The following MSRA variants were observed in gnomAD, a reference collection of about 807,000 sequenced individuals.
MSRA encodes methionine sulfoxide reductase A.
A neutral mutation model predicts 31.3 loss-of-function variants in MSRA; 54 were observed. The ratio of observed to expected loss-of-function variants is 1.73; its 90% CI spans 1.39 to 2.17. The LOEUF is 2.17. Ranked by LOEUF, MSRA falls within the 30% of genes most tolerant of loss-of-function variation. The probability of loss-of-function intolerance (pLI) is 0.00; values close to 1 mark genes in which losing one functional copy is unlikely to be tolerated. For synonymous variants in MSRA, 169 were observed against 116.5 expected, an observed-to-expected ratio of 1.45 and a Z score of -2.90; for missense variants, 507 against 300.9, an observed-to-expected ratio of 1.69 and a Z score of -5.07.
At chr8:10,354,369 A>T (rs192871417) in intron 5 of MSRA, among the ~76,000 whole-genome samples, 1 of 152,244 alleles carries the variant, frequency 6.6e-6, no homozygotes, top group South Asian at 2.1e-4. Context: ...ATGCGAGGAC[A>T]CAACAGCAAG....
At chr8:10,109,079 C>G (rs554183887) in intron 1 of MSRA, among the ~76,000 whole-genome samples, 7 of 152,178 alleles carry the variant, frequency 4.6e-5, no homozygotes, top group African/African-American at 1.7e-4. Flanking sequence ...CCAGCGCATT[C>G]CCTTTCTCAC....
chr8:10,348,274 C>T (rs1221673802), intron 5 of MSRA, among the ~76,000 whole-genome samples: 1 of 151,674 alleles, frequency 6.6e-6, no homozygotes, highest in East Asian at 1.9e-4. Flanking sequence ...AGGGCCTTCT[C>T]CGCGGAGATT....
intron 1 of MSRA, among the ~76,000 whole-genome samples, chr8:10,080,012 A>C (rs190712103): frequency 3.9e-5 from 6 of 152,180 alleles, no homozygotes; most frequent in Non-Finnish European, 8.8e-5. Flanking sequence ...CTTCCCGTCA[A>C]AATTAATCTC....
chr8:10,156,199 G>T (rs1020658916), intron 1 of MSRA, among the ~76,000 whole-genome samples: 1 of 152,124 alleles, frequency 6.6e-6, no homozygotes. Flanking sequence ...AAACTTGGTC[G>T]GATTCCATAT....
intron 1 of MSRA, among the ~76,000 whole-genome samples, chr8:10,206,777 C>A (rs1325194973): frequency 6.6e-6 from 1 of 152,234 alleles, no homozygotes. Flanking sequence ...CCTGCAGAAC[C>A]CTCCGTCCAC....
At chr8:10,262,744 G>C (rs1013864186) in intron 3 of MSRA, among the ~76,000 whole-genome samples, 6 of 152,132 alleles carry the variant, frequency 3.9e-5, no homozygotes, top group African/African-American at 1.4e-4. Context: ...GAGTAGTTCT[G>C]GGAAGGTGAA....
chr8:10,361,932 C>T (rs1207121071), intron 5 of MSRA, among the ~76,000 whole-genome samples: 3 of 152,064 alleles, frequency 2.0e-5, no homozygotes, highest in Non-Finnish European at 4.4e-5. Context: ...CCCCTCATTT[C>T]CTGGAAAGGG....
intron 3 of MSRA, among the ~76,000 whole-genome samples, chr8:10,248,799 G>T (rs947412126): frequency 1.3e-5 from 2 of 152,230 alleles, no homozygotes; most frequent in African/African-American, 4.8e-5. Context: ...AGTCTCCATT[G>T]CTTGGTGCCA....
In MSRA at chr8:10,165,036, G is replaced by C. The variant is rs150249153; in HGVS notation, c.143-42797G>C. ...GAGTGAAAAAACAACACAAAAAACT[G>C]TATTGATGTCTGGGCTGCATCCTAG... On this transcript the variant is annotated intron_variant, in intron 1 of 5. Transcript: ENST00000317173. Among the ~76,000 whole-genome samples the C allele has an allele frequency of 4.6e-3, 706 of 152,104 alleles. 2 individuals carry two copies. The highest frequency in any genetic ancestry group is 6.9e-3 in the Non-Finnish European group (467 of 67,988).
chr8:10,100,606 G>C (rs1167322293), intron 1 of MSRA, among the ~76,000 whole-genome samples: 2 of 152,094 alleles, frequency 1.3e-5, no homozygotes, highest in Non-Finnish European at 2.9e-5. Flanking sequence ...TTTAGATCAA[G>C]TGAAAGAAAA....
intron 3 of MSRA, among the ~76,000 whole-genome samples, chr8:10,287,026 C>T (rs1799974707): frequency 6.6e-6 from 1 of 152,220 alleles, no homozygotes; most frequent in African/African-American, 2.4e-5. Context: ...ATGCCCTTGG[C>T]ACAGTTTCCC....
intron 5 of MSRA, among the ~76,000 whole-genome samples, chr8:10,330,006 A>AT (rs373964590): frequency 5.9e-5 from 8 of 135,478 alleles, no homozygotes; most frequent in South Asian, 2.7e-4. Flanking sequence ...AGAGAAAAAA[A>AT]TGTGTGTGTG....
intron 1 of MSRA, among the ~76,000 whole-genome samples, chr8:10,107,485 G>C (rs971023652): frequency 2.0e-5 from 3 of 152,138 alleles, no homozygotes; most frequent in African/African-American, 7.2e-5. Context: ...GAGATATTCT[G>C]TGCGTCTCTG....
intron 1 of MSRA, among the ~76,000 whole-genome samples, chr8:10,068,748 A>G (rs1337010913): frequency 6.6e-6 from 1 of 152,086 alleles, no homozygotes; most frequent in Non-Finnish European, 1.5e-5. Flanking sequence ...TTTAATATTG[A>G]GTTAGCTATT....
intron 1 of MSRA, among the ~76,000 whole-genome samples, chr8:10,127,015 G>T (rs1585207846): frequency 6.6e-6 from 1 of 152,202 alleles, no homozygotes; most frequent in Non-Finnish European, 1.5e-5. Flanking sequence ...ACTAGCTAGG[G>T]GTTGGGGACC....
At chr8:10,055,568 C>T (rs1802310263) in intron 1 of MSRA, among the ~76,000 whole-genome samples, 1 of 152,126 alleles carries the variant, frequency 6.6e-6, no homozygotes, top group African/African-American at 2.4e-5. Context: ...GGGGTGGAGC[C>T]CAACAATCTC....
At chr8:10,295,643 C>T (rs1800496660) in intron 3 of MSRA, among the ~76,000 whole-genome samples, 4 of 152,210 alleles carry the variant, frequency 2.6e-5, no homozygotes. Context: ...GTGTCATTCT[C>T]AACTCCAGTC....
chr8:10,420,023 C>G (rs961821850), intron 5 of MSRA, among the ~76,000 whole-genome samples: 3 of 152,120 alleles, frequency 2.0e-5, no homozygotes, highest in Non-Finnish European at 4.4e-5. Context: ...TGTCATGTTC[C>G]CAGATGTGTA....
chr8:10,095,985 C>A, intron 1 of MSRA: 1 of 1,402,972 alleles, frequency 7.1e-7, no homozygotes, highest in Non-Finnish European at 9.4e-7. Context: ...GTTTGTTCAT[C>A]AATACAAACC....
Sources: gnomAD v4.1 joint callset for allele counts (sites outside exome capture counted in the v4.1 genomes callset) on GRCh38, gnomAD v4.1.1 for gene constraint, MANE v1.5 for transcripts, NCBI Gene and HGNC (gene_info 2026-07-23, HGNC 2026-07-21) for gene names.